Variants in FAT3 observed in about 807,000 individuals in gnomAD.
FAT3 encodes protocadherin Fat 3.
In FAT3, 95 loss-of-function variants were observed where a neutral mutation model predicts 310.2. The observed-to-expected ratio is 0.31, with a 90% CI of 0.26 to 0.36. The LOEUF is 0.36. Among genes scored for constraint, FAT3 ranks in the 10% least tolerant of loss-of-function variants. The probability of loss-of-function intolerance (pLI) is 1.00; values close to 1 mark genes in which losing one functional copy is unlikely to be tolerated. For missense variants in FAT3, 5,408 were observed against 5,715.6 expected, an observed-to-expected ratio of 0.95 and a Z score of 1.74; for synonymous variants, 2,314 against 2,192.9, an observed-to-expected ratio of 1.06 and a Z score of -1.54.
intron 1 of FAT3, among the ~76,000 whole-genome samples, chr11:92,280,419 A>G (rs1298314876): frequency 6.6e-6 from 1 of 152,240 alleles, no homozygotes; most frequent in Non-Finnish European, 1.5e-5. Context: ...TAAGAAATAC[A>G]GCAGTAAGTA....
intron 3 of FAT3, among the ~76,000 whole-genome samples, chr11:92,648,849 G>A (rs892442328): frequency 2.6e-5 from 4 of 152,186 alleles, no homozygotes; most frequent in Non-Finnish European, 5.9e-5. Flanking sequence ...TGAAGACACT[G>A]CAGTCGGAAG....
At position 92,524,891 on chromosome 11, in the gene FAT3, A is replaced by T; in HGVS notation, c.3550A>T (p.Thr1184Ser). ...DPDSSSNEKL[T>S]YRITSGNPQN... ...TGACTCCAGTTCCAATGAAAAACTG[A>T]CATACAGGATTACAAGTGGAAATCC... Residue 1184 changes from threonine to serine, a missense_variant, in exon 3 of 28, where the codon ACA becomes TCA. Thr to Ser is a moderately conservative substitution (Grantham distance 58). This residue lies in a region of FAT3 where 4,588 missense variants were observed against 4,809.8 expected (regional missense o/e 0.95). Coordinates refer to ENST00000525166, the MANE Select transcript of FAT3 (RefSeq NM_001367949.2). The T allele has an allele frequency of 6.2e-7, 1 of 1,613,936 alleles. No individual in the cohort carries two copies. Among genetic ancestry groups the T allele is most frequent in the Non-Finnish European group, 8.5e-7 (1 of 1,179,834 alleles).
chr11:92,334,465 G>T (rs1386901648), intron 1 of FAT3, among the ~76,000 whole-genome samples: 1 of 151,852 alleles, frequency 6.6e-6, no homozygotes, highest in Non-Finnish European at 1.5e-5. Context: ...AAAATTTAAT[G>T]AATTATGCCT....
At chr11:92,626,332 G>A (rs1941333124) in intron 3 of FAT3, among the ~76,000 whole-genome samples, 2 of 152,092 alleles carry the variant, frequency 1.3e-5, no homozygotes, top group Admixed American at 6.5e-5. Context: ...TTTAATCAGG[G>A]GATTTAGAGA....
In FAT3 at chr11:92,229,492, GTT is replaced by G. The variant is rs780129800; in HGVS notation, c.-18+4331_-18+4332del. Among the ~76,000 whole-genome samples the G allele has an allele frequency of 3.3e-4, 20 of 60,254 alleles. 2 individuals are homozygous for G. Among genetic ancestry groups the G allele is most frequent in the African/African-American group, 1.1e-3 (19 of 16,878 alleles). The allele number at this position is 60,254 out of a possible 152,430, so 39.5% of individuals were successfully genotyped here. A position where few individuals can be genotyped will look rare whatever the true frequency, so the allele number is the denominator to read the frequency against. Reference sequence around the variant, plus strand: ...TTGTTTTCTTTTTTTGTTTTTTCGTGTTTTTTTTTTTTTTGTTTTTTGTTTTT... The same window carrying G: ...TTGTTTTCTTTTTTTGTTTTTTCGTGTTTTTTTTTTTTGTTTTTTGTTTTT... On this transcript the variant is annotated intron_variant, in intron 1 of 27. Transcript: ENST00000525166.
At chr11:92,367,227 C>T (rs1949048510) in intron 2 of FAT3, 2 of 299,008 alleles carry the variant, frequency 6.7e-6, no homozygotes, top group South Asian at 3.7e-5. Context: ...TGTGGTGGAT[C>T]AGCACCAGCT....
At chr11:92,636,128 T>A (rs1230199689) in intron 3 of FAT3, among the ~76,000 whole-genome samples, 1 of 152,062 alleles carries the variant, frequency 6.6e-6, no homozygotes, top group African/African-American at 2.4e-5. Flanking sequence ...CACGCCTGGC[T>A]ATTTTTGTAT....
chr11:92,232,468 A>G (rs928262941), intron 1 of FAT3, among the ~76,000 whole-genome samples: 1 of 152,164 alleles, frequency 6.6e-6, no homozygotes, highest in Admixed American at 6.5e-5. Context: ...CAGACACTGT[A>G]TAAGATGGTT....
chr11:92,848,131 C>T (rs1172948039), intron 19 of FAT3, among the ~76,000 whole-genome samples: 1 of 152,222 alleles, frequency 6.6e-6, no homozygotes, highest in Admixed American at 6.5e-5. Flanking sequence ...CCTCAATATT[C>T]TATCCTCCTC....
At chr11:92,410,707 C>T (rs1021081425) in intron 2 of FAT3, among the ~76,000 whole-genome samples, 6 of 151,822 alleles carry the variant, frequency 4.0e-5, no homozygotes, top group Non-Finnish European at 8.8e-5. Context: ...AGTTTCTGGC[C>T]CAGACTTCAA....
chr11:92,467,919 AT>A (rs1565339725), intron 2 of FAT3, among the ~76,000 whole-genome samples: 1 of 152,222 alleles, frequency 6.6e-6, no homozygotes, highest in Non-Finnish European at 1.5e-5. Flanking sequence ...GGTCAGATGT[AT>A]TTTGGAATTC....
chr11:92,880,277 T>C (rs1293954536), intron 22 of FAT3, among the ~76,000 whole-genome samples: 1 of 148,670 alleles, frequency 6.7e-6, no homozygotes, highest in East Asian at 2.0e-4. Context: ...CCTCATTCCC[T>C]CTCTGGGTGG....
intron 3 of FAT3, among the ~76,000 whole-genome samples, chr11:92,589,118 G>A (rs1939297801): frequency 6.6e-6 from 1 of 152,030 alleles, no homozygotes; most frequent in South Asian, 2.1e-4. Flanking sequence ...AGTTGTAGTT[G>A]ATGCTGGGTC....
intron 3 of FAT3, among the ~76,000 whole-genome samples, chr11:92,693,821 G>C (rs1042154658): frequency 1.3e-5 from 2 of 152,146 alleles, no homozygotes; most frequent in Non-Finnish European, 2.9e-5. Flanking sequence ...AGTTGTTGCT[G>C]TAACCGTAAA....
At chr11:92,532,131 T>C (rs1371821652) in intron 3 of FAT3, among the ~76,000 whole-genome samples, 1 of 152,130 alleles carries the variant, frequency 6.6e-6, no homozygotes, top group East Asian at 1.9e-4. Flanking sequence ...CTATAACTAT[T>C]ATATGTAATA....
chr11:92,369,710 G>A (rs943503571), intron 2 of FAT3, among the ~76,000 whole-genome samples: 1 of 152,086 alleles, frequency 6.6e-6, no homozygotes, highest in Non-Finnish European at 1.5e-5. Flanking sequence ...AGCTAGGTAT[G>A]GTAGCACACG....
At chr11:92,556,613 C>T (rs1462203511) in intron 3 of FAT3, among the ~76,000 whole-genome samples, 3 of 152,110 alleles carry the variant, frequency 2.0e-5, no homozygotes, top group Non-Finnish European at 4.4e-5. Context: ...CTACACTGAG[C>T]GCGGTACTCT....
intron 2 of FAT3, among the ~76,000 whole-genome samples, chr11:92,456,371 T>C (rs990489278): frequency 6.6e-6 from 1 of 152,198 alleles, no homozygotes; most frequent in Non-Finnish European, 1.5e-5. Flanking sequence ...CTATGATTCA[T>C]TGTCACATGT....
At chr11:92,412,732 T>C (rs373676053) in intron 2 of FAT3, among the ~76,000 whole-genome samples, 5 of 17,948 alleles carry the variant, frequency 2.8e-4, no homozygotes, top group African/African-American at 2.1e-4. Context: ...TATATATATA[T>C]ATATATATAT....
Sources: allele counts gnomAD v4.1 joint callset (sites outside exome capture counted in the v4.1 genomes callset), GRCh38; gene constraint gnomAD v4.1.1; regional missense constraint gnomAD v4.1.1; transcripts MANE v1.5; gene names NCBI Gene and HGNC (gene_info 2026-07-23, HGNC 2026-07-21).